The following CFAP47 variants were observed in gnomAD, a reference collection of about 807,000 sequenced individuals.
CFAP47 encodes cilia- and flagella-associated protein 47.
CFAP47 carries 29 observed loss-of-function variants against 148.1 expected under a neutral mutation model. The observed-to-expected ratio is 0.20, with a 90% confidence interval of 0.15 to 0.27. CFAP47 has a LOEUF of 0.27. Ranked by LOEUF, CFAP47 falls within the 10% of genes least tolerant of loss-of-function variation. CFAP47 has a pLI of 1.00. For missense variants in CFAP47, 1,872 were observed against 1,697.5 expected (o/e 1.10, Z -1.81); for synonymous variants, 664 against 577.3 (o/e 1.15, Z -2.15).
chrX:36,230,107 G>T (rs1275113701), intron 46 of CFAP47, among the ~76,000 whole-genome samples: 1 of 104,991 alleles, frequency 9.5e-6, no homozygotes, highest in East Asian at 3.0e-4. Flanking sequence ...ATGATTTATA[G>T]TCCTTTGGGT....
chrX:36,116,804 A>G (rs1938648611), intron 33 of CFAP47, among the ~76,000 whole-genome samples: 1 of 111,621 alleles, frequency 9.0e-6, no homozygotes, highest in Non-Finnish European at 1.9e-5. Context: ...ATTATTTTTG[A>G]CTATAGTCAC....
chrX:36,082,799 A>G (rs904111485), intron 29 of CFAP47, among the ~76,000 whole-genome samples: 1 of 111,696 alleles, frequency 9.0e-6, no homozygotes, highest in African/African-American at 3.2e-5. Flanking sequence ...AGAATGTTTT[A>G]TCTTTCATAA....
rs782055310 is a variant in CFAP47 at position 36,256,909 on chromosome X, G to A, written c.7444+5465G>A. 3.6e-5 allele frequency among the ~76,000 whole-genome samples: 4 copies of A among 112,072 alleles called. No homozygotes were observed. The East Asian group carries it at 1.1e-3, about 31-fold the overall frequency. On this transcript the variant is annotated intron_variant, in intron 49 of 63. Coordinates refer to ENST00000378653, the MANE Select transcript of CFAP47 (RefSeq NM_001304548.2). ...TGATGACCCACTACAGTAGATTCAT[G>A]CTGTTTTAGTTTCTGTGTGTTTAAC... is the stretch of plus-strand genomic sequence containing the variant.
intron 39 of CFAP47, among the ~76,000 whole-genome samples, chrX:36,174,859 T>C (rs1172317514): frequency 1.8e-5 from 2 of 111,075 alleles, no homozygotes; most frequent in Non-Finnish European, 3.8e-5. Flanking sequence ...CCTTGCTAGA[T>C]TGGGGAAGTT....
At chrX:36,143,253 T>C (rs1939174981) in intron 35 of CFAP47, among the ~76,000 whole-genome samples, 2 of 111,850 alleles carry the variant, frequency 1.8e-5, no homozygotes, top group African/African-American at 6.5e-5. Flanking sequence ...TACTTCTAAT[T>C]AACAAAACAA....
chrX:36,225,923 G>T (rs1940264807), intron 45 of CFAP47, among the ~76,000 whole-genome samples: 1 of 111,367 alleles, frequency 9.0e-6, no homozygotes, highest in African/African-American at 3.3e-5. Flanking sequence ...GGGAGTAGGA[G>T]ACTGCAAAGA....
rs781904892 is a variant in CFAP47 at position 36,379,369 on chromosome X, G to A, written c.9205G>A (p.Ala3069Thr). The A allele has an allele frequency of 1.3e-4, 148 of 1,165,260 alleles. 1 individual carries two copies. In the East Asian group the frequency reaches 3.8e-3, roughly 30 times the overall value. ...SQTRNPEPFT[A>T]HFLPGSDLEF... ...TTCCAGAAATCCTGAGCCGTTCACCGCACACTTCCTACCTGGCAGCGATCT... is the reference window on the plus strand; with the variant it reads ...TTCCAGAAATCCTGAGCCGTTCACCACACACTTCCTACCTGGCAGCGATCT... The change falls in exon 63 of 64, where the codon GCA becomes ACA. Residue 3069 changes from alanine (A) to threonine (T), a missense_variant. By Grantham distance (58) the Ala-to-Thr change is moderately conservative (BLOSUM62 0). Coordinates refer to ENST00000378653, the MANE Select transcript of CFAP47 (RefSeq NM_001304548.2).
chrX:36,049,477 A>ATT (rs1368056188), intron 26 of CFAP47, among the ~76,000 whole-genome samples: 1 of 68,305 alleles, frequency 1.5e-5, no homozygotes, highest in East Asian at 5.5e-4. Context: ...TTCTGCATGT[A>ATT]TTTCTCTCTC....
Position 36,379,439 on chromosome X carries a change from A to G in CFAP47, c.9275A>G (p.Asn3092Ser). 8.6e-7 allele frequency: 1 copy of G among 1,162,294 alleles called. No individual in the cohort carries two copies. Among genetic ancestry groups the G allele is most frequent in the South Asian group, 1.9e-5 (1 of 52,622 alleles). ...KPQAGELLPFNTNGTLITVGF... is the reference protein window; with the variant it reads ...KPQAGELLPFSTNGTLITVGF... ...CAGGCTGGAGAACTTCTTCCTTTTA[A>G]CACAAACGGAACTCTCATCACTGTA... Residue 3092 changes from asparagine (N) to serine (S), a missense_variant, in exon 63 of 64, where the codon AAC becomes AGC. Asn to Ser is a conservative substitution (Grantham distance 46). Coordinates refer to ENST00000378653, the MANE Select transcript of CFAP47 (RefSeq NM_001304548.2).
intron 8 of CFAP47, 65 bp downstream of exon 8, chrX:35,956,261 C>T (rs1000079907): frequency 2.4e-5 from 20 of 837,009 alleles, no homozygotes; most frequent in Non-Finnish European, 3.1e-5. Flanking sequence ...AAATGCTATG[C>T]GGAGGATTAG....
intron 21 of CFAP47, among the ~76,000 whole-genome samples, chrX:36,009,124 A>G (rs1188719808): frequency 3.6e-5 from 4 of 111,492 alleles, no homozygotes; most frequent in African/African-American, 1.3e-4. Context: ...TCACATTTCC[A>G]GTCCCCTCAG....
chrX:36,040,519 T>A (rs1047853923), intron 25 of CFAP47, among the ~76,000 whole-genome samples: 18 of 111,876 alleles, frequency 1.6e-4, no homozygotes, highest in Admixed American at 1.4e-3. Flanking sequence ...ATGAGACATT[T>A]ATAGAAATTG....
Position 36,000,010 on chromosome X carries a change from C to G in CFAP47, c.3178-273C>G, listed in dbSNP as rs757013781. ...GGGAGAGTTTGAGAAAAGTAAAAAT[C>G]TAGAAACTAAATGAAAAGTGATGAT... On this transcript the variant is annotated intron_variant, in intron 19 of 63. Transcript: ENST00000378653. Among the ~76,000 whole-genome samples the G allele has an allele frequency of 2.7e-5, 3 of 110,520 alleles. No homozygotes were observed. In the Admixed American group the frequency reaches 2.9e-4, roughly 11 times the overall value.
intron 26 of CFAP47, among the ~76,000 whole-genome samples, chrX:36,055,092 G>A (rs1170189505): frequency 4.7e-5 from 5 of 106,396 alleles, no homozygotes; most frequent in Non-Finnish European, 9.5e-5. Flanking sequence ...CCAGCTCTTA[G>A]TATTTTTTCT....
intron 48 of CFAP47, among the ~76,000 whole-genome samples, chrX:36,247,492 G>A (rs6629058): frequency 0.35 from 39,017 of 110,247 alleles, 7,700 homozygotes; most frequent in African/African-American, 0.76. Context: ...CTTAAAATGT[G>A]TAAAGATGTA....
At chrX:35,954,447 G>A (rs764624563) in intron 7 of CFAP47, among the ~76,000 whole-genome samples, 109 of 111,280 alleles carry the variant, frequency 9.8e-4, no homozygotes, top group African/African-American at 3.5e-3. Context: ...GGATTTAACT[G>A]TATTCCTTGG....
chrX:36,124,227 G>A (rs1938798001), intron 33 of CFAP47, among the ~76,000 whole-genome samples: 1 of 111,650 alleles, frequency 9.0e-6, no homozygotes, highest in African/African-American at 3.3e-5. Flanking sequence ...CTCCTTTGGA[G>A]CCACAAAAGC....
chrX:36,332,394 A>G (rs1227297062), intron 57 of CFAP47, among the ~76,000 whole-genome samples: 1 of 111,714 alleles, frequency 9.0e-6, no homozygotes, highest in African/African-American at 3.2e-5. Context: ...TGAGTAGGAA[A>G]TAAGTACACA....
At chrX:36,210,435 T>G (rs1555989327) in intron 45 of CFAP47, among the ~76,000 whole-genome samples, 1 of 112,293 alleles carries the variant, frequency 8.9e-6, no homozygotes, top group Non-Finnish European at 1.9e-5. Flanking sequence ...AGGTTTTCAT[T>G]GGCATTTTCC....
Sources: gnomAD v4.1 joint callset for allele counts (sites outside exome capture counted in the v4.1 genomes callset) on GRCh38, gnomAD v4.1.1 for gene constraint, MANE v1.5 for transcripts, NCBI Gene and HGNC (gene_info 2026-07-23, HGNC 2026-07-21) for gene names.